Variants in NNT observed in about 807,000 individuals in gnomAD.
NNT encodes NAD(P) transhydrogenase, mitochondrial.
NNT carries 50 observed loss-of-function variants against 104.8 expected under a neutral mutation model. That is an observed-to-expected ratio of 0.48 (90% CI 0.38 to 0.60). The LOEUF (loss-of-function observed/expected upper bound fraction) is 0.60, where lower values mean the gene tolerates loss of function less well. Among genes scored for constraint, NNT ranks in the 20% least tolerant of loss-of-function variants. NNT has a pLI of 0.00. For synonymous variants in NNT, 461 were observed against 490.4 expected (o/e 0.94, Z 0.79); for missense variants, 1,131 against 1,330.7 (o/e 0.85, Z 2.33).
intron 7 of NNT, among the ~76,000 whole-genome samples, chr5:43,630,517 G>C (rs1750619299): frequency 6.6e-6 from 1 of 152,164 alleles, no homozygotes; most frequent in Non-Finnish European, 1.5e-5. Flanking sequence ...ATGACCCTTT[G>C]TCAGTTTTAA....
At chr5:43,618,552 T>A (rs992556040) in intron 4 of NNT, among the ~76,000 whole-genome samples, 1 of 152,248 alleles carries the variant, frequency 6.6e-6, no homozygotes, top group Admixed American at 6.5e-5. Context: ...AAACAATATT[T>A]GGACTATATA....
At chr5:43,639,278 A>G (rs1751096698) in intron 7 of NNT, among the ~76,000 whole-genome samples, 1 of 152,194 alleles carries the variant, frequency 6.6e-6, no homozygotes, top group Non-Finnish European at 1.5e-5. Flanking sequence ...GAGAAAAGAT[A>G]CTGTGAATTC....
intron 17 of NNT, among the ~76,000 whole-genome samples, chr5:43,667,502 G>A (rs941666186): frequency 2.6e-5 from 4 of 152,004 alleles, no homozygotes; most frequent in African/African-American, 7.3e-5. Context: ...CCACCTATGA[G>A]TGAGAACATG....
intron 14 of NNT, among the ~76,000 whole-genome samples, chr5:43,653,985 A>T (rs1289716311): frequency 1.3e-5 from 2 of 152,032 alleles, no homozygotes; most frequent in African/African-American, 4.8e-5. Context: ...TTTTCCAGGA[A>T]TTTTTAAAGT....
At chr5:43,626,200 A>AT (rs373766261) in intron 6 of NNT, among the ~76,000 whole-genome samples, 29 of 152,256 alleles carry the variant, frequency 1.9e-4, no homozygotes, top group African/African-American at 4.3e-4. Context: ...TACCAATTTC[A>AT]TTTTTCTTGT....
chr5:43,619,815 G>A (rs577132373), intron 5 of NNT, among the ~76,000 whole-genome samples: 1 of 152,304 alleles, frequency 6.6e-6, no homozygotes, highest in Non-Finnish European at 1.5e-5. Flanking sequence ...CATAATTCTG[G>A]TAGCTGGAAT....
intron 5 of NNT, among the ~76,000 whole-genome samples, chr5:43,619,393 C>A (rs1268154418): frequency 1.3e-5 from 2 of 151,868 alleles, no homozygotes; most frequent in Non-Finnish European, 2.9e-5. Context: ...TTCTCTGTAG[C>A]CTATATATTA....
chr5:43,631,809 G>A (rs1040529459), intron 7 of NNT, among the ~76,000 whole-genome samples: 3 of 152,078 alleles, frequency 2.0e-5, no homozygotes, highest in Non-Finnish European at 4.4e-5. Context: ...ACTAGTTGAA[G>A]AAGTTTTATT....
intron 1 of NNT, among the ~76,000 whole-genome samples, chr5:43,606,090 G>T (rs1272918425): frequency 6.6e-6 from 1 of 152,132 alleles, no homozygotes; most frequent in Non-Finnish European, 1.5e-5. Flanking sequence ...CTGAGGCAGG[G>T]GGAGGTTCAG....
At position 43,702,617 on chromosome 5, in the gene NNT, A is replaced by G; in HGVS notation, c.2996-4A>G. 1 of 1,579,836 alleles carries G rather than the reference A, an allele frequency of 6.3e-7. No individual in the cohort carries two copies. Among genetic ancestry groups the G allele is most frequent in the East Asian group, 2.3e-5 (1 of 44,390 alleles). On this transcript the variant is annotated splice_region_variant and splice_polypyrimidine_tract_variant and intron_variant, in intron 20 of 21. Transcript: ENST00000344920. ...TATTCTTTCTTTTTTGTTTTATTAT[A>G]TAGATACTGATTTGGTCCTTGTAAT...
chr5:43,614,121 A>G (rs1423229992), intron 3 of NNT, among the ~76,000 whole-genome samples: 2 of 152,256 alleles, frequency 1.3e-5, no homozygotes, highest in African/African-American at 4.8e-5. Context: ...AAAGAAGAGT[A>G]TAATTCATTC....
At chr5:43,653,830 CTG>C (rs1409624455) in intron 14 of NNT, among the ~76,000 whole-genome samples, 4 of 151,998 alleles carry the variant, frequency 2.6e-5, no homozygotes, top group Non-Finnish European at 2.9e-5. Flanking sequence ...TGGCGTACAA[CTG>C]TAATCCCAGC....
intron 12 of NNT, 77 bp from the exon 13 acceptor site, chr5:43,651,662 T>C: frequency 6.8e-7 from 1 of 1,471,284 alleles, no homozygotes; most frequent in Non-Finnish European, 9.4e-7. Flanking sequence ...ACAGAAAAAT[T>C]GTAGCACTTT....
chr5:43,624,711 T>C (rs1022364340), intron 6 of NNT, among the ~76,000 whole-genome samples: 1 of 152,242 alleles, frequency 6.6e-6, no homozygotes, highest in African/African-American at 2.4e-5. Context: ...TAGATTGTCT[T>C]TAAAGAGAAG....
chr5:43,667,827 C>A (rs1199830252), intron 17 of NNT, among the ~76,000 whole-genome samples: 1 of 152,180 alleles, frequency 6.6e-6, no homozygotes, highest in Non-Finnish European at 1.5e-5. Flanking sequence ...AGTTCTAGAT[C>A]CTTGAGGAAT....
intron 13 of NNT, 144 bp downstream of exon 13, chr5:43,652,028 G>C: frequency 1.2e-6 from 1 of 867,048 alleles, no homozygotes; most frequent in Non-Finnish European, 1.7e-6. Context: ...AAACATCTTG[G>C]TCAAACTGAG....
intron 7 of NNT, 50 bp from the exon 8 acceptor site, chr5:43,644,142 G>A (rs780924632): frequency 6.6e-7 from 1 of 1,513,802 alleles, no homozygotes; most frequent in Non-Finnish European, 9.0e-7. Flanking sequence ...AGACTTTAAG[G>A]TGTTAGAAAA....
chr5:43,638,104 C>G (rs908719194), intron 7 of NNT, among the ~76,000 whole-genome samples: 2 of 152,186 alleles, frequency 1.3e-5, no homozygotes, highest in Non-Finnish European at 2.9e-5. Context: ...TTATAAGGAG[C>G]TTCCCCCTTC....
chr5:43,677,725 G>A lies in NNT; in HGVS notation c.2795G>A (p.Gly932Asp). ...REANSIIITP[G>D]YGLCAAKAQY... ...TCTGTGTTCTTAATGTTCCTTGCAGGCTATGGTCTCTGTGCAGCCAAAGCT... is the reference window on the plus strand; with the variant it reads ...TCTGTGTTCTTAATGTTCCTTGCAGACTATGGTCTCTGTGCAGCCAAAGCT... Residue 932 changes from glycine (G) to aspartate (D), a missense_variant and splice_region_variant, in exon 19 of 22, where the codon GGC becomes GAC. Physicochemically the swap from Gly to Asp is moderately conservative, Grantham distance 94 (BLOSUM62 -1). Coordinates refer to ENST00000344920, the MANE Select transcript of NNT (RefSeq NM_182977.3). 1 of 1,612,820 alleles carries A rather than the reference G, an allele frequency of 6.2e-7. No homozygotes were observed. The highest frequency in any genetic ancestry group is 8.5e-7 in the Non-Finnish European group (1 of 1,178,982).
Sources: allele counts gnomAD v4.1 joint callset (sites outside exome capture counted in the v4.1 genomes callset), GRCh38; gene constraint gnomAD v4.1.1; transcripts MANE v1.5; gene names NCBI Gene and HGNC (gene_info 2026-07-23, HGNC 2026-07-21).